MDGA2: variants seen among roughly 807,000 people sequenced by gnomAD.
The protein encoded by MDGA2 is MAM domain-containing glycosylphosphatidylinositol anchor protein 2.
A neutral mutation model predicts 117.8 loss-of-function variants in MDGA2; 40 were observed. That is an observed-to-expected ratio of 0.34 (90% CI 0.26 to 0.44). The LOEUF (loss-of-function observed/expected upper bound fraction) is 0.44. Among genes scored for constraint, MDGA2 ranks in the 20% least tolerant of loss-of-function variants. The probability of loss-of-function intolerance (pLI) is 1.00; values close to 1 mark genes in which losing one functional copy is unlikely to be tolerated. For synonymous variants in MDGA2, 452 were observed against 439.0 expected (o/e 1.03, Z -0.37); for missense variants, 1,123 against 1,250.6 (o/e 0.90, Z 1.54).
At chr14:47,007,138 T>C (rs1887740877) in intron 8 of MDGA2, among the ~76,000 whole-genome samples, 2 of 151,868 alleles carry the variant, frequency 1.3e-5, no homozygotes, top group Non-Finnish European at 1.5e-5. Flanking sequence ...ATAAGAGTGA[T>C]AATCTGGTCT....
Position 47,674,162 on chromosome 14 carries a change from G to A in MDGA2, c.280+355C>T, listed in dbSNP as rs376143205. On this transcript the variant is annotated intron_variant, in intron 1 of 16. Transcript: ENST00000399232. ...TGGAAGCTTCCCTGGGGGGTGGGGG[G>A]AAACCGTGACACCGACACCGTGGCA... Among the ~76,000 whole-genome samples the A allele has an allele frequency of 6.0e-3, 907 of 151,940 alleles. 11 individuals are homozygous for A. The highest frequency in any genetic ancestry group is 0.021 in the African/African-American group (852 of 41,416).
chr14:47,674,650 G>T lies in MDGA2; in HGVS notation c.147C>A (p.Ala49=). The change falls in exon 1 of 17, where the codon GCC becomes GCA. Residue 49 remains alanine (A), a synonymous_variant. Transcript: ENST00000399232. The stretch of plus-strand genomic sequence containing the variant: ...TACGCAACGGGACCTTCAGGAGGCC[G>T]GCGGCCAGCCAGGCGCGCTCCACTC... ...RARVERAWLA[A]GLLKVPLRTP... is the part of the protein sequence containing the mutation. 1.3e-6 allele frequency: 2 copies of T among 1,488,366 alleles called. No homozygotes were observed. Among genetic ancestry groups the T allele is most frequent in the Non-Finnish European group, 1.8e-6 (2 of 1,090,118 alleles). 92.2% of individuals were successfully genotyped at this position (1,488,366 alleles called of 1,614,324 possible).
chr14:47,016,237 G>A (rs1207228677), intron 8 of MDGA2, among the ~76,000 whole-genome samples: 2 of 151,994 alleles, frequency 1.3e-5, no homozygotes, highest in African/African-American at 4.8e-5. Context: ...AAAAAATGGT[G>A]AGTAGGTATG....
chr14:46,955,359 G>A (rs1885523125), intron 9 of MDGA2, among the ~76,000 whole-genome samples: 1 of 151,928 alleles, frequency 6.6e-6, no homozygotes, highest in Admixed American at 6.6e-5. Flanking sequence ...AGCTCATGAA[G>A]CTCACTTAAA....
intron 1 of MDGA2, among the ~76,000 whole-genome samples, chr14:47,633,192 T>C (rs1897267779): frequency 5.2e-5 from 2 of 38,208 alleles, no homozygotes; most frequent in African/African-American, 1.1e-4. Context: ...GGAACGACGA[T>C]GTCTTTTTTT....
At chr14:46,898,099 A>T (rs938979298) in intron 10 of MDGA2, among the ~76,000 whole-genome samples, 1 of 152,096 alleles carries the variant, frequency 6.6e-6, no homozygotes, top group African/African-American at 2.4e-5. Context: ...AAATGAAAAG[A>T]TAAATGCATG....
intron 1 of MDGA2, among the ~76,000 whole-genome samples, chr14:47,636,736 G>C (rs1329019200): frequency 2.3e-5 from 3 of 130,566 alleles, no homozygotes; most frequent in Non-Finnish European, 4.6e-5. Context: ...AGTGAGCCGA[G>C]ATCGTGCCAC....
intron 14 of MDGA2, among the ~76,000 whole-genome samples, chr14:46,868,349 G>T (rs750671700): frequency 6.6e-6 from 1 of 151,848 alleles, no homozygotes; most frequent in Non-Finnish European, 1.5e-5. Flanking sequence ...TTTTGGGGGA[G>T]TACTTGAATA....
At chr14:47,625,413 T>G (rs1022575699) in intron 1 of MDGA2, among the ~76,000 whole-genome samples, 3 of 152,206 alleles carry the variant, frequency 2.0e-5, no homozygotes, top group Non-Finnish European at 4.4e-5. Context: ...TATATTAAAT[T>G]GTACCTGCTA....
chr14:47,168,522 T>A (rs796952844), intron 3 of MDGA2, among the ~76,000 whole-genome samples: 61 of 152,184 alleles, frequency 4.0e-4, no homozygotes, highest in African/African-American at 1.4e-3. Flanking sequence ...TCTTTTCCCC[T>A]AACTACCTGT....
chr14:46,930,809 T>G (rs1023338862), intron 9 of MDGA2, among the ~76,000 whole-genome samples: 1 of 152,240 alleles, frequency 6.6e-6, no homozygotes, highest in Non-Finnish European at 1.5e-5. Flanking sequence ...TCTTCCTGTT[T>G]TTTAAATAAA....
chr14:47,225,964 A>G (rs1402586996), intron 2 of MDGA2, among the ~76,000 whole-genome samples: 1 of 152,050 alleles, frequency 6.6e-6, no homozygotes. Flanking sequence ...TGCAAGATAT[A>G]TGCAGATAAG....
intron 10 of MDGA2, among the ~76,000 whole-genome samples, chr14:46,906,916 A>G (rs117962505): frequency 0.023 from 3,485 of 151,364 alleles, 49 homozygotes; most frequent in Non-Finnish European, 0.034. Flanking sequence ...TTAATTACCA[A>G]TTGACTGCCA....
chr14:47,022,823 T>C (rs36014153), intron 8 of MDGA2, among the ~76,000 whole-genome samples: 54,407 of 152,026 alleles, frequency 0.36, 10,734 homozygotes, highest in East Asian at 0.59. Context: ...GACTGGAACA[T>C]GAAATATGAT....
chr14:47,542,645 G>A (rs574407889), intron 1 of MDGA2, among the ~76,000 whole-genome samples: 1 of 152,278 alleles, frequency 6.6e-6, no homozygotes, highest in South Asian at 2.1e-4. Flanking sequence ...TAAGTCATTA[G>A]TAGGTTGAAG....
intron 6 of MDGA2, among the ~76,000 whole-genome samples, chr14:47,085,618 CT>C (rs200319028): frequency 0.13 from 19,695 of 146,648 alleles, 1,847 homozygotes; most frequent in African/African-American, 0.27. Context: ...TAAATCAAGT[CT>C]TTTTTTTTTT....
At chr14:47,515,456 G>A (rs1894731626) in intron 1 of MDGA2, among the ~76,000 whole-genome samples, 1 of 152,134 alleles carries the variant, frequency 6.6e-6, no homozygotes, top group Admixed American at 6.6e-5. Context: ...TCTTTGTATA[G>A]AGATCAATGG....
At chr14:47,337,033 G>A (rs1414604290) in intron 1 of MDGA2, among the ~76,000 whole-genome samples, 1 of 151,822 alleles carries the variant, frequency 6.6e-6, no homozygotes, top group Non-Finnish European at 1.5e-5. Flanking sequence ...CTTGAATATT[G>A]TTACATCTTG....
At chr14:47,417,924 G>A (rs1182812380) in intron 1 of MDGA2, among the ~76,000 whole-genome samples, 1 of 152,014 alleles carries the variant, frequency 6.6e-6, no homozygotes, top group Non-Finnish European at 1.5e-5. Flanking sequence ...ATATTGCCCA[G>A]GCTGGCCTCA....
Sources: allele counts gnomAD v4.1 joint callset (sites outside exome capture counted in the v4.1 genomes callset), GRCh38; gene constraint gnomAD v4.1.1; transcripts MANE v1.5; gene names NCBI Gene and HGNC (gene_info 2026-07-23, HGNC 2026-07-21).